FA2H: variants seen among roughly 807,000 people sequenced by gnomAD.
FA2H encodes fatty acid alpha-hydroxylase.
A neutral mutation model predicts 44.9 loss-of-function variants in FA2H; 22 were observed. The observed-to-expected ratio is 0.49, with a 90% confidence interval of 0.35 to 0.70. FA2H has a LOEUF of 0.70. Among genes scored for constraint, FA2H ranks in the 30% least tolerant of loss-of-function variants. The probability of loss-of-function intolerance (pLI) is 0.01; values close to 1 mark genes in which losing one functional copy is unlikely to be tolerated. For missense variants in FA2H, 501 were observed against 504.9 expected (o/e 0.99, Z 0.07); for synonymous variants, 243 against 213.2 (o/e 1.14, Z -1.22).
At chr16:74,750,695 C>A (rs973889455) in intron 1 of FA2H, among the ~76,000 whole-genome samples, 4 of 151,812 alleles carry the variant, frequency 2.6e-5, no homozygotes, top group African/African-American at 7.3e-5. Context: ...TGACTTGTCT[C>A]AGGTGGCATG....
In FA2H at chr16:74,774,752, C is replaced by T; in HGVS notation, c.4G>A (p.Ala2Thr). 1 of 1,305,048 alleles carries T rather than the reference C, an allele frequency of 7.7e-7. No homozygotes were observed. Among genetic ancestry groups the T allele is most frequent in the Middle Eastern group, 2.9e-4 (1 of 3,448 alleles). 80.8% of individuals were successfully genotyped at this position (1,305,048 alleles called of 1,614,324 possible). A position where few individuals can be genotyped will look rare whatever the true frequency, so the allele number is the denominator to read the frequency against. ...GAGGCGGCGGGGGGCGGAGCGGGGG[C>T]CATGGCCGGAGACCGCAGCTCCCAG... M[A>T]PAPPPAASFS... The change falls in exon 1 of 7, where the codon GCC becomes ACC. Residue 2 changes from alanine to threonine, a missense_variant. Physicochemically the swap from Ala to Thr is moderately conservative, Grantham distance 58. Transcript: ENST00000219368.
At chr16:74,766,382 A>G (rs1464654847) in intron 1 of FA2H, among the ~76,000 whole-genome samples, 1 of 152,158 alleles carries the variant, frequency 6.6e-6, no homozygotes, top group African/African-American at 2.4e-5. Flanking sequence ...GTGAAGGGGA[A>G]AAAAGCAGAT....
At chr16:74,750,761 CTGTGTGTGTGTG>C (rs55799456) in intron 1 of FA2H, among the ~76,000 whole-genome samples, 2 of 141,570 alleles carry the variant, frequency 1.4e-5, no homozygotes, top group African/African-American at 5.4e-5. Context: ...TTTTTTTTCA[CTGTGTGTGTGTG>C]TGTGTGTGTG....
intron 1 of FA2H, among the ~76,000 whole-genome samples, chr16:74,773,246 C>G (rs1208047827): frequency 1.3e-5 from 2 of 152,112 alleles, no homozygotes; most frequent in African/African-American, 4.8e-5. Flanking sequence ...GAGAAAGGGA[C>G]CACATACAAA....
chr16:74,760,721 C>T (rs1962692650), intron 1 of FA2H, among the ~76,000 whole-genome samples: 1 of 152,196 alleles, frequency 6.6e-6, no homozygotes, highest in Admixed American at 6.5e-5. Flanking sequence ...CTTCAGAGGC[C>T]TGACTTCAGC....
At chr16:74,755,153 A>G (rs1332721931) in intron 1 of FA2H, among the ~76,000 whole-genome samples, 1 of 91,202 alleles carries the variant, frequency 1.1e-5, no homozygotes, top group Non-Finnish European at 2.4e-5. Flanking sequence ...GAGAGAATAC[A>G]TTTGTGTTTT....
rs745476992 is a variant in FA2H at position 74,716,477 on chromosome 16, C to A, written c.909G>T (p.Gly303=). Residue 303 remains glycine, a synonymous_variant, in exon 6 of 7, where the codon GGG becomes GGT. Coordinates refer to ENST00000219368, the MANE Select transcript of FA2H (RefSeq NM_024306.5). ...PEAVGGTVFA[G]GLLGYVLYDM... The stretch of plus-strand genomic sequence containing the variant: ...CATAGAGGACGTAGCCCAGGAGGCC[C>A]CCCGCAAACACAGTGCCCCCTACTG... The A allele has an allele frequency of 6.2e-7, 1 of 1,613,812 alleles. No individual in the cohort carries two copies. Among genetic ancestry groups the A allele is most frequent in the Non-Finnish European group, 8.5e-7 (1 of 1,179,968 alleles).
At chr16:74,721,839 C>T (rs1392262444) in intron 4 of FA2H, among the ~76,000 whole-genome samples, 2 of 152,214 alleles carry the variant, frequency 1.3e-5, no homozygotes, top group Admixed American at 6.5e-5. Context: ...GGTACCCTGG[C>T]GCATCCTCCT....
In FA2H at chr16:74,713,179, A is replaced by G. The variant is rs912891901; in HGVS notation, c.*1011T>C. 2.0e-5 allele frequency: 3 copies of G among 152,808 alleles called. No homozygotes were observed. The South Asian group carries it at 6.2e-4, about 32-fold the overall frequency. 9.5% of individuals were successfully genotyped at this position (152,808 alleles called of 1,614,324 possible). A position where few individuals can be genotyped will look rare whatever the true frequency, so the allele number is the denominator to read the frequency against. The stretch of plus-strand genomic sequence containing the variant: ...TGTGGGTAAGAAAGGAACCAAAAAC[A>G]GGAGGAAACAACATTTTTTACATAA... On this transcript the variant is annotated 3_prime_UTR_variant, in exon 7 of 7. Transcript: ENST00000219368.
intron 1 of FA2H, among the ~76,000 whole-genome samples, chr16:74,774,158 G>A (rs1404878786): frequency 1.3e-5 from 2 of 152,108 alleles, no homozygotes; most frequent in African/African-American, 4.8e-5. Context: ...GGGGGCTGGG[G>A]ACAGAAACGG....
chr16:74,721,538 G>A lies in FA2H; in HGVS notation c.614-2378C>T, dbSNP rs540589998. Reference sequence around the variant, plus strand: ...CATGAACCCTCACCCCTGGGTCAGCGCAGGAACCTGCCTTTGTACCCCATA... The same window carrying A: ...CATGAACCCTCACCCCTGGGTCAGCACAGGAACCTGCCTTTGTACCCCATA... On this transcript the variant is annotated intron_variant, in intron 4 of 6. Coordinates refer to ENST00000219368, the MANE Select transcript of FA2H (RefSeq NM_024306.5). Among the ~76,000 whole-genome samples, 12 of 152,176 alleles carry A rather than the reference G, an allele frequency of 7.9e-5. No individual in the cohort carries two copies. In the South Asian group the frequency reaches 8.3e-4, roughly 11 times the overall value.
At chr16:74,716,689 A>T (rs1961711475) in intron 5 of FA2H, 90 bp from the exon 6 acceptor site, 9 of 1,415,630 alleles carry the variant, frequency 6.4e-6, no homozygotes, top group Non-Finnish European at 8.4e-6. Context: ...GGACAGGGGC[A>T]CAGCGGCCCA....
chr16:74,714,340 GC>G, intron 6 of FA2H, 71 bp from the exon 7 acceptor site: 3 of 953,440 alleles, frequency 3.1e-6, no homozygotes, highest in Non-Finnish European at 3.3e-6. Flanking sequence ...TGGGAAGGGT[GC>G]CAGGGTAGGG....
At chr16:74,723,947 G>A (rs2144612915) in intron 4 of FA2H, among the ~76,000 whole-genome samples, 1 of 152,096 alleles carries the variant, frequency 6.6e-6, no homozygotes, top group East Asian at 1.9e-4. Context: ...TGTCATCCAG[G>A]CTAGAGTGCA....
At chr16:74,733,683 C>T (rs761082050) in intron 2 of FA2H, among the ~76,000 whole-genome samples, 20 of 152,294 alleles carry the variant, frequency 1.3e-4, no homozygotes, top group South Asian at 1.0e-3. Flanking sequence ...GATGGGAGGA[C>T]AGCAGACGAT....
intron 5 of FA2H, among the ~76,000 whole-genome samples, chr16:74,717,757 T>C (rs1961739271): frequency 6.6e-6 from 1 of 152,076 alleles, no homozygotes; most frequent in Non-Finnish European, 1.5e-5. Flanking sequence ...GGTGGAAGTG[T>C]CTCAAAAGAG....
At chr16:74,734,160 G>T (rs868375213) in intron 2 of FA2H, among the ~76,000 whole-genome samples, 1 of 152,226 alleles carries the variant, frequency 6.6e-6, no homozygotes, top group East Asian at 1.9e-4. Flanking sequence ...GGCTATGTAC[G>T]TGGCTCGGGT....
At chr16:74,720,125 A>G (rs115895741) in intron 4 of FA2H, among the ~76,000 whole-genome samples, 3,005 of 125,718 alleles carry the variant, frequency 0.024, 105 homozygotes, top group African/African-American at 0.086. Context: ...TCATTCTTTG[A>G]CCTCATGGAG....
At chr16:74,726,043 G>A (rs991925494) in intron 4 of FA2H, 182 bp downstream of exon 4, 2 of 600,984 alleles carry the variant, frequency 3.3e-6, no homozygotes, top group Admixed American at 2.4e-5. Context: ...ATCCATTTGG[G>A]GGGTAGATGG....
Sources: gnomAD v4.1 joint callset for allele counts (sites outside exome capture counted in the v4.1 genomes callset) on GRCh38, gnomAD v4.1.1 for gene constraint, MANE v1.5 for transcripts, NCBI Gene and HGNC (gene_info 2026-07-23, HGNC 2026-07-21) for gene names.